The following STK36 variants were observed in gnomAD, a reference collection of about 807,000 sequenced individuals.
STK36 encodes serine/threonine-protein kinase 36.
STK36 carries 116 observed loss-of-function variants against 142.2 expected under a neutral mutation model. The observed-to-expected ratio is 0.82, with a 90% CI of 0.70 to 0.95. The LOEUF (loss-of-function observed/expected upper bound fraction) is 0.95. Among genes scored for constraint, STK36 ranks in the 40% least tolerant of loss-of-function variants. STK36 has a pLI of 0.00. For missense variants in STK36, 1,422 were observed against 1,617.2 expected (o/e 0.88, Z 2.07); for synonymous variants, 619 against 641.7 (o/e 0.96, Z 0.53).
At chr2:218,679,088 T>G in intron 6 of STK36, 80 bp from the exon 7 acceptor site, 2 of 1,367,256 alleles carry the variant, frequency 1.5e-6, no homozygotes, top group Non-Finnish European at 2.1e-6. Flanking sequence ...TGTGGGATTC[T>G]TGGTTTGCTA....
At chr2:218,688,434 A>G (rs556230526) in intron 11 of STK36, 67 of 587,182 alleles carry the variant, frequency 1.1e-4, no homozygotes, top group Admixed American at 1.6e-4. Context: ...AATGGCACTT[A>G]GTCTGACAGA....
chr2:218,700,725 C>T (rs1429573294), intron 26 of STK36, among the ~76,000 whole-genome samples: 1 of 151,474 alleles, frequency 6.6e-6, no homozygotes, highest in Non-Finnish European at 1.5e-5. Context: ...ATAAAGAGTC[C>T]AGTAGGCCAG....
intron 21 of STK36, among the ~76,000 whole-genome samples, chr2:218,695,463 T>C (rs1240222747): frequency 1.3e-5 from 2 of 150,710 alleles, no homozygotes; most frequent in Non-Finnish European, 3.0e-5. Flanking sequence ...TGACCTCACA[T>C]GTGATCCGCC....
chr2:218,694,644 C>T lies in STK36; in HGVS notation c.2511+9C>T. 2.5e-6 allele frequency: 4 copies of T among 1,612,052 alleles called. No homozygotes were observed. Among genetic ancestry groups the T allele is most frequent in the Non-Finnish European group, 3.4e-6 (4 of 1,178,118 alleles). On this transcript the variant is annotated intron_variant, in intron 21 of 26. Coordinates refer to ENST00000295709, the MANE Select transcript of STK36 (RefSeq NM_015690.5). The surrounding 1 kb of genome is among the most constrained non-coding windows in gnomAD (Gnocchi z 4.4). Reference sequence around the variant, plus strand: ...TGTCTGCCCCTGCAGAGGTGAGGCCCCCCAGGGAGGGCACAGACATGTTTT... The same window carrying T: ...TGTCTGCCCCTGCAGAGGTGAGGCCTCCCAGGGAGGGCACAGACATGTTTT...
In STK36 at chr2:218,676,361, C is replaced by T. The variant is rs1014473691; in HGVS notation, c.684+83C>T. On this transcript the variant is annotated intron_variant, in intron 6 of 26. Coordinates refer to ENST00000295709, the MANE Select transcript of STK36 (RefSeq NM_015690.5). ...CTGTTCCTTTTTCCAAATCCTTTTC[C>T]AGAGCTGAGGCGGGACTTTGCAGTT... is the stretch of plus-strand genomic sequence containing the variant. The T allele has an allele frequency of 1.9e-6, 3 of 1,539,200 alleles. 1 individual carries two copies. The highest frequency in any genetic ancestry group is 2.5e-5 in the South Asian group (2 of 81,274).
intron 7 of STK36, 80 bp downstream of exon 7, chr2:218,679,341 C>G: frequency 2.1e-6 from 3 of 1,419,440 alleles, no homozygotes; most frequent in Non-Finnish European, 9.9e-7. Context: ...CCCCGACCAT[C>G]TAGATATAAC....
rs201401056 is a variant in STK36, at chr2:218,680,023, C to T, written c.1079C>T (p.Ser360Leu). 1 of 1,614,184 alleles carries T rather than the reference C, an allele frequency of 6.2e-7. No individual in the cohort carries two copies. The highest frequency in any genetic ancestry group is 2.2e-5 in the East Asian group (1 of 44,884). Residue 360 changes from serine (S) to leucine (L), a missense_variant, in exon 9 of 27, where the codon TCA becomes TTA. Around this residue, in one of 2 missense-constraint regions of STK36, gnomAD observed 962 missense variants for 1,167.5 expected, o/e 0.82. Coordinates refer to ENST00000295709, the MANE Select transcript of STK36 (RefSeq NM_015690.5). The stretch of plus-strand genomic sequence containing the variant: ...AGCCTCCTGGCCGGGATCTTAGCCT[C>T]AGAATTGAAGAGCAGCTGGGCTAAA... Reference protein sequence around the residue: ...ESSLLAGILASELKSSWAKSG... With the variant: ...ESSLLAGILALELKSSWAKSG...
At chr2:218,675,823 C>G (rs907910795) in intron 5 of STK36, among the ~76,000 whole-genome samples, 1 of 152,120 alleles carries the variant, frequency 6.6e-6, no homozygotes, top group South Asian at 2.1e-4. Context: ...TGAGCCTGGC[C>G]CCACAGGGAA....
In STK36 at chr2:218,679,775, T is replaced by G. The variant is rs370128224; in HGVS notation, c.948+46T>G. 86 of 1,612,332 alleles carry G rather than the reference T, an allele frequency of 5.3e-5. No homozygotes were observed. The Admixed American group carries it at 8.7e-4, about 16-fold the overall frequency. On this transcript the variant is annotated intron_variant, in intron 8 of 26. Transcript: ENST00000295709. Reference sequence around the variant, plus strand: ...TATGTGAAATGACCAGGCTAGTGACTGGGGAGTTAGAGGAGGAGGGTGACT... The same window carrying G: ...TATGTGAAATGACCAGGCTAGTGACGGGGGAGTTAGAGGAGGAGGGTGACT...
intron 22 of STK36, 186 bp from the exon 23 acceptor site, chr2:218,696,853 G>A (rs781227238): frequency 1.9e-5 from 18 of 968,096 alleles, no homozygotes; most frequent in Non-Finnish European, 2.7e-5. Context: ...CACATGAGTT[G>A]TGAGGTCAGA....
intron 10 of STK36, among the ~76,000 whole-genome samples, chr2:218,682,545 A>AT (rs893343869): frequency 3.3e-5 from 5 of 151,886 alleles, no homozygotes; most frequent in Admixed American, 6.6e-5. Context: ...CGTTATGAAA[A>AT]TTTTTTTTCT....
At chr2:218,697,802 T>C in intron 24 of STK36, 52 bp from the exon 25 acceptor site, 1 of 1,612,368 alleles carries the variant, frequency 6.2e-7, no homozygotes, top group Non-Finnish European at 8.5e-7. Context: ...GAGGGAGGAA[T>C]GATAAAGGTT....
intron 11 of STK36, among the ~76,000 whole-genome samples, 167 bp downstream of exon 11, chr2:218,685,395 G>A (rs986210884): frequency 3.9e-5 from 6 of 152,160 alleles, no homozygotes; most frequent in Non-Finnish European, 8.8e-5. Flanking sequence ...CACAGAAAGA[G>A]CAGCCCTCAG....
At chr2:218,675,244 AG>A in intron 4 of STK36, 98 bp from the exon 5 acceptor site, 1 of 1,313,670 alleles carries the variant, frequency 7.6e-7, no homozygotes, top group Non-Finnish European at 1.0e-6. Flanking sequence ...AAGGGAAGGA[AG>A]AAAAGATTAG....
Position 218,702,093 on chromosome 2 carries a change from G to C in STK36, c.*84G>C, listed in dbSNP as rs1258491274. ...ACACAAGCCGCCAACTCAACTGAGA[G>C]CTAAAGAGACTAGAAAAGAGATAAG... On this transcript the variant is annotated 3_prime_UTR_variant, in exon 27 of 27. Transcript: ENST00000295709. 42 of 1,519,990 alleles carry C rather than the reference G, an allele frequency of 2.8e-5. No homozygotes were observed. Among genetic ancestry groups the C allele is most frequent in the Non-Finnish European group, 3.5e-5 (39 of 1,128,718 alleles). 94.2% of individuals were successfully genotyped at this position (1,519,990 alleles called of 1,614,324 possible). A position where few individuals can be genotyped will look rare whatever the true frequency, so the allele number is the denominator to read the frequency against.
chr2:218,699,697 A>G (rs1941375004), intron 26 of STK36, among the ~76,000 whole-genome samples: 1 of 151,892 alleles, frequency 6.6e-6, no homozygotes, highest in African/African-American at 2.4e-5. Context: ...TTTTTTTTAG[A>G]CTTACCATGA....
chr2:218,680,022 T>C lies in STK36; in HGVS notation c.1078T>C (p.Ser360Pro). 6.2e-7 allele frequency: 1 copy of C among 1,614,102 alleles called. No homozygotes were observed. The highest frequency in any genetic ancestry group is 8.5e-7 in the Non-Finnish European group (1 of 1,180,010). ...AAGCCTCCTGGCCGGGATCTTAGCC[T>C]CAGAATTGAAGAGCAGCTGGGCTAA... ...ESSLLAGILA[S>P]ELKSSWAKSG... Residue 360 changes from serine to proline, a missense_variant, in exon 9 of 27, where the codon TCA becomes CCA. Physicochemically the swap from Ser to Pro is moderately conservative, Grantham distance 74 (BLOSUM62 -1). This residue lies in a region of STK36 where 962 missense variants were observed against 1,167.5 expected (regional missense o/e 0.82). Transcript: ENST00000295709.
Position 218,692,310 on chromosome 2 carries a change from A to G in STK36, c.1915+17A>G, listed in dbSNP as rs1030383127. On this transcript the variant is annotated intron_variant, in intron 15 of 26. Coordinates refer to ENST00000295709, the MANE Select transcript of STK36 (RefSeq NM_015690.5). ...CTCCCCAAGGTAACCAGAGTGGAGA[A>G]GGGAGGTTCTCTTGACTTACTTGTT... 1 of 1,613,676 alleles carries G rather than the reference A, an allele frequency of 6.2e-7. No individual in the cohort carries two copies. Among genetic ancestry groups the G allele is most frequent in the Non-Finnish European group, 8.5e-7 (1 of 1,179,918 alleles).
At chr2:218,691,773 G>A (rs1183842753) in intron 14 of STK36, among the ~76,000 whole-genome samples, 3 of 152,168 alleles carry the variant, frequency 2.0e-5, no homozygotes, top group African/African-American at 7.2e-5. Context: ...GCCCAGGTTG[G>A]TCTCAAACTT....
Sources: gnomAD v4.1 joint callset for allele counts (sites outside exome capture counted in the v4.1 genomes callset) on GRCh38, gnomAD v4.1.1 for gene constraint, gnomAD v4.1.1 regional missense constraint, Gnocchi (gnomAD v3.1) non-coding constraint, MANE v1.5 for transcripts, NCBI Gene and HGNC (gene_info 2026-07-23, HGNC 2026-07-21) for gene names.